EVC2: variants seen among roughly 807,000 people sequenced by gnomAD.
EVC2 encodes limbin.
In EVC2, 148 loss-of-function variants were observed where a neutral mutation model predicts 149.3. That is an observed-to-expected ratio of 0.99 (90% CI 0.87 to 1.14). EVC2 has a LOEUF of 1.14. Ranked by LOEUF, EVC2 falls within the 50% of genes most tolerant of loss-of-function variation. The pLI is 0.00. For synonymous variants in EVC2, 776 were observed against 649.9 expected, an observed-to-expected ratio of 1.19 and a Z score of -2.95; for missense variants, 1,854 against 1,627.3, an observed-to-expected ratio of 1.14 and a Z score of -2.40.
At chr4:5,705,201 A>C (rs983472641) in intron 1 of EVC2, among the ~76,000 whole-genome samples, 2 of 152,238 alleles carry the variant, frequency 1.3e-5, no homozygotes, top group Non-Finnish European at 2.9e-5. Context: ...AAGTAAAATA[A>C]CGAAATGATA....
chr4:5,542,438 G>C (rs755987318), downstream of EVC2, among the ~76,000 whole-genome samples: 8 of 152,176 alleles, frequency 5.3e-5, no homozygotes, highest in Non-Finnish European at 1.0e-4. Flanking sequence ...CTGGGCAATG[G>C]AGTGAGACCC....
the EVC2 span, among the ~76,000 whole-genome samples, chr4:5,531,626 C>T: frequency 3.3e-5 from 5 of 152,100 alleles, no homozygotes; most frequent in East Asian, 7.8e-4. Context: ...ACTGCACATG[C>T]GAGGGATCTA....
chr4:5,682,293 C>G (rs1413660459), intron 6 of EVC2, among the ~76,000 whole-genome samples: 1 of 151,836 alleles, frequency 6.6e-6, no homozygotes, highest in East Asian at 1.9e-4. Flanking sequence ...GAGTTCAAGA[C>G]CAGCCTGGCC....
At chr4:5,529,079 C>G in the EVC2 span, among the ~76,000 whole-genome samples, 1 of 152,174 alleles carries the variant, frequency 6.6e-6, no homozygotes, top group Non-Finnish European at 1.5e-5. The surrounding 1 kb of genome is among the most constrained non-coding windows in gnomAD (Gnocchi z 4.5). Flanking sequence ...CCATTCCACT[C>G]TCCGGGAGAG....
intron 16 of EVC2, among the ~76,000 whole-genome samples, chr4:5,589,766 G>C (rs1245798924): frequency 4.6e-5 from 7 of 152,092 alleles, no homozygotes; most frequent in Non-Finnish European, 1.0e-4. Context: ...GAGTAATTCT[G>C]ATACTTTTTA....
intron 11 of EVC2, among the ~76,000 whole-genome samples, chr4:5,629,302 T>G (rs80206953): frequency 2.3e-3 from 357 of 152,350 alleles, no homozygotes; most frequent in African/African-American, 8.4e-3. Context: ...GTGTTTCATG[T>G]CTCATCTAAC....
intron 1 of EVC2, among the ~76,000 whole-genome samples, chr4:5,702,651 C>G (rs932475233): frequency 1.3e-5 from 2 of 152,212 alleles, no homozygotes; most frequent in African/African-American, 4.8e-5. Flanking sequence ...CTGTAGTGGA[C>G]AGTGCCCTTT....
rs116734676 is a variant in EVC2 at position 5,614,418 on chromosome 4, T to C, written c.2829+1004A>G. Among the ~76,000 whole-genome samples the C allele has an allele frequency of 0.012, 1,758 of 152,098 alleles. 35 individuals carry two copies. Among genetic ancestry groups the C allele is most frequent in the African/African-American group, 0.04 (1,667 of 41,496 alleles). ...CTGGGACACTGTTGCCTCCCCAAAA[T>C]ACTTGTGGAACAAATTAACCATGTG... On this transcript the variant is annotated intron_variant, in intron 16 of 21. Coordinates refer to ENST00000344408, the MANE Select transcript of EVC2 (RefSeq NM_147127.5). This position sits in a 1 kb window ranked among gnomAD's most constrained non-coding sequence, Gnocchi z 4.7.
chr4:5,612,889 T>G (rs544630065), intron 16 of EVC2, among the ~76,000 whole-genome samples: 1 of 119,988 alleles, frequency 8.3e-6, no homozygotes, highest in Non-Finnish European at 1.6e-5. Context: ...GCCACTGCAC[T>G]CCAGCCTGGG....
intron 21 of EVC2, among the ~76,000 whole-genome samples, chr4:5,547,256 T>G: frequency 6.6e-6 from 1 of 152,236 alleles, no homozygotes; most frequent in East Asian, 1.9e-4. Context: ...CTCTGGACTT[T>G]GGACACCAAT....
At chr4:5,639,059 A>G (rs1428011579) in intron 10 of EVC2, among the ~76,000 whole-genome samples, 1 of 152,188 alleles carries the variant, frequency 6.6e-6, no homozygotes, top group African/African-American at 2.4e-5. Context: ...GCAAGGGAGC[A>G]GGTGCAGGCA....
rs560515456 is a variant in EVC2 at position 5,562,478 on chromosome 4, A to G, written c.*370T>C. 4.5e-5 allele frequency: 48 copies of G among 1,077,424 alleles called. No homozygotes were observed. In the South Asian group the frequency reaches 1.5e-3, roughly 33 times the overall value. 66.7% of individuals were successfully genotyped at this position (1,077,424 alleles called of 1,614,324 possible). On this transcript the variant is annotated 3_prime_UTR_variant, in exon 22 of 22. Transcript: ENST00000344408. The surrounding 1 kb of genome is among the most constrained non-coding windows in gnomAD (Gnocchi z 4.3). ...ATTTATTTTTTAAAATTCCCTTTAT[A>G]AAAATAGAATATGTAACAAATACAA...
intron 12 of EVC2, among the ~76,000 whole-genome samples, chr4:5,627,582 AT>A (rs1371436512): frequency 6.6e-6 from 1 of 152,202 alleles, no homozygotes; most frequent in Non-Finnish European, 1.5e-5. Context: ...CTTTATAGTC[AT>A]GTCCCTATTC....
chr4:5,599,261 C>T (rs1245005382), intron 16 of EVC2, among the ~76,000 whole-genome samples: 1 of 151,232 alleles, frequency 6.6e-6, no homozygotes, highest in East Asian at 1.9e-4. Flanking sequence ...GCTATAAAGA[C>T]ACATGCACAC....
At chr4:5,554,675 G>GA (rs1423018358) in intron 21 of EVC2, among the ~76,000 whole-genome samples, 1 of 152,174 alleles carries the variant, frequency 6.6e-6, no homozygotes, top group African/African-American at 2.4e-5. Context: ...GAGAAGCTAA[G>GA]AAACACTTGT....
At chr4:5,653,459 G>C (rs1718284378) in intron 9 of EVC2, among the ~76,000 whole-genome samples, 1 of 152,218 alleles carries the variant, frequency 6.6e-6, no homozygotes, top group South Asian at 2.1e-4. Flanking sequence ...CAGATTCTAA[G>C]ATTCTGTTTT....
At position 5,637,210 on chromosome 4, in the gene EVC2, T is replaced by A. The variant is rs1434006683; in HGVS notation, c.1470+3304A>T. 6.6e-6 allele frequency among the ~76,000 whole-genome samples: 1 copy of A among 152,198 alleles called. No homozygotes were observed. The highest frequency in any genetic ancestry group is 1.9e-4 in the East Asian group (1 of 5,198). ...AAAAAAGCATTGCCCCAGGCAGTCT[T>A]TTGATAGCAAAGCCACTAGAAACAT... On this transcript the variant is annotated intron_variant, in intron 10 of 21. Coordinates refer to ENST00000344408, the MANE Select transcript of EVC2 (RefSeq NM_147127.5). The surrounding 1 kb of genome is among the most constrained non-coding windows in gnomAD (Gnocchi z 4.4).
chr4:5,663,468 T>C (rs1231981003), intron 8 of EVC2, among the ~76,000 whole-genome samples: 1 of 152,166 alleles, frequency 6.6e-6, no homozygotes, highest in Non-Finnish European at 1.5e-5. Context: ...CATGAGGATG[T>C]TGTGTGGGTA....
At chr4:5,558,567 T>C (rs1481953227), downstream of EVC2, among the ~76,000 whole-genome samples, 1 of 152,246 alleles carries the variant, frequency 6.6e-6, no homozygotes, top group Non-Finnish European at 1.5e-5. Context: ...GACTTTATCA[T>C]ATGCAGATTA....
Sources: gnomAD v4.1 joint callset for allele counts (sites outside exome capture counted in the v4.1 genomes callset) on GRCh38, gnomAD v4.1.1 for gene constraint, Gnocchi (gnomAD v3.1) non-coding constraint, MANE v1.5 for transcripts, NCBI Gene and HGNC (gene_info 2026-07-23, HGNC 2026-07-21) for gene names.